DDX25: variants seen among roughly 807,000 people sequenced by gnomAD.
DDX25 encodes the protein ATP-dependent RNA helicase DDX25.
Under a neutral mutation model 64.6 loss-of-function variants are expected in DDX25, and 70 were observed. The observed-to-expected ratio is 1.08, with a 90% CI of 0.89 to 1.32. The LOEUF (loss-of-function observed/expected upper bound fraction) is 1.32. DDX25 is among the 40% of genes most tolerant of loss of function. DDX25 has a pLI of 0.00. For synonymous variants in DDX25, 211 were observed against 213.3 expected, an observed-to-expected ratio of 0.99 and a Z score of 0.09; for missense variants, 587 against 604.4, an observed-to-expected ratio of 0.97 and a Z score of 0.30.
intron 1 of DDX25, among the ~76,000 whole-genome samples, 182 bp from the exon 2 acceptor site, chr11:125,905,030 A>G (rs1198751825): frequency 2.6e-5 from 4 of 152,152 alleles, no homozygotes; most frequent in Non-Finnish European, 4.4e-5. Flanking sequence ...AAAATCTCCA[A>G]TTTTAGGGTA....
Position 125,917,099 on chromosome 11 carries a change from G to A in DDX25, c.886G>A (p.Asp296Asn). ...GCACTTTGCTGAGCGAATCATCCCT[G>A]ACCCTAATGTTATCAAGTTACGCAA... is the stretch of plus-strand genomic sequence containing the variant. Reference protein sequence around the residue: ...VWHFAERIIPDPNVIKLRKEE... With the variant: ...VWHFAERIIPNPNVIKLRKEE... Residue 296 changes from aspartate to asparagine, a missense_variant, in exon 9 of 12, where the codon GAC (aspartate) becomes AAC (asparagine). Coordinates refer to ENST00000263576, the MANE Select transcript of DDX25 (RefSeq NM_013264.5). 1 of 1,610,624 alleles carries A rather than the reference G, an allele frequency of 6.2e-7. No individual in the cohort carries two copies.
intron 2 of DDX25, 32 bp from the exon 3 acceptor site, chr11:125,905,521 T>C (rs768702319): frequency 1.9e-6 from 3 of 1,546,372 alleles, no homozygotes; most frequent in Non-Finnish European, 2.6e-6. Flanking sequence ...CATTTGTCTT[T>C]ACTTGTATTG....
chr11:125,909,877 C>T (rs1944943663), intron 6 of DDX25, among the ~76,000 whole-genome samples: 1 of 152,144 alleles, frequency 6.6e-6, no homozygotes, highest in African/African-American at 2.4e-5. Flanking sequence ...GCCTCAAACT[C>T]CTGACTTCAG....
At position 125,910,386 on chromosome 11, in the gene DDX25, A is replaced by G. The variant is rs766950394; in HGVS notation, c.530A>G (p.Tyr177Cys). 2.5e-6 allele frequency: 4 copies of G among 1,613,756 alleles called. No homozygotes were observed. The highest frequency in any genetic ancestry group is 3.4e-6 in the Non-Finnish European group (4 of 1,179,856). Residue 177 changes from tyrosine (Y) to cysteine (C), a missense_variant, in exon 7 of 12, where the codon TAT becomes TGT. By Grantham distance (194) the Tyr-to-Cys change is radical. Coordinates refer to ENST00000263576, the MANE Select transcript of DDX25 (RefSeq NM_013264.5). ...FPQCLCLAPT[Y>C]ELALQTGRVV... ...CAGTGCCTCTGCCTAGCTCCTACTT[A>G]TGAATTGGCTCTGCAAACTGGCCGT...
At position 125,923,449 on chromosome 11, in the gene DDX25, A is replaced by G. The variant is rs1295770548; in HGVS notation, c.*568A>G. The stretch of plus-strand genomic sequence containing the variant: ...TTTTACTTCTTTAATGTTTCAAGGG[A>G]CATACAGAATTTCAGAGTATTTTTC... On this transcript the variant is annotated 3_prime_UTR_variant, in exon 12 of 12. Transcript: ENST00000263576. The G allele has an allele frequency of 6.6e-6, 1 of 152,230 alleles. No individual in the cohort carries two copies. Among genetic ancestry groups the G allele is most frequent in the Non-Finnish European group, 1.5e-5 (1 of 68,052 alleles). The allele number at this position is 152,230 out of a possible 1,614,324, so 9.4% of individuals were successfully genotyped here.
chr11:125,910,162 C>T (rs992766426), intron 6 of DDX25, among the ~76,000 whole-genome samples: 19 of 152,108 alleles, frequency 1.2e-4, no homozygotes, highest in Non-Finnish European at 2.2e-4. Context: ...TTCTCCATTC[C>T]TTGGCCCCTT....
chr11:125,913,874 A>G (rs975341054), intron 8 of DDX25, among the ~76,000 whole-genome samples: 4 of 151,680 alleles, frequency 2.6e-5, no homozygotes, highest in African/African-American at 9.7e-5. Context: ...AAAAAAAATG[A>G]TATAAAATAG....
Position 125,918,742 on chromosome 11 carries a change from C to A in DDX25, c.1153C>A (p.Arg385=). Residue 385 remains arginine, a synonymous_variant, in exon 10 of 12, where the codon CGG becomes AGG. Transcript: ENST00000263576. ...GCGAGCTTCCATCATTCAGAGGTTT[C>A]GGGATGGGAAAGAGAAGGTTCTCAT... ...EQRASIIQRF[R]DGKEKVLITT... is the part of the protein sequence containing the mutation. 6 of 1,609,866 alleles carry A rather than the reference C, an allele frequency of 3.7e-6. No homozygotes were observed. The highest frequency in any genetic ancestry group is 5.1e-6 in the Non-Finnish European group (6 of 1,178,032).
chr11:125,905,920 C>T (rs1163898559), intron 3 of DDX25, 154 bp from the exon 4 acceptor site: 3 of 967,160 alleles, frequency 3.1e-6, no homozygotes, highest in Non-Finnish European at 4.4e-6. Flanking sequence ...AGAACGAATC[C>T]TCAGTGCTAT....
intron 4 of DDX25, 116 bp downstream of exon 4, chr11:125,906,325 T>TTG: frequency 6.0e-6 from 8 of 1,337,866 alleles, no homozygotes; most frequent in Non-Finnish European, 6.8e-6. Context: ...TTCAATATTT[T>TTG]TTTTTGTTAT....
intron 6 of DDX25, among the ~76,000 whole-genome samples, chr11:125,908,884 T>C (rs903903621): frequency 6.6e-6 from 1 of 152,220 alleles, no homozygotes; most frequent in Non-Finnish European, 1.5e-5. Flanking sequence ...AAACATTGAA[T>C]AAAGTCATCA....
In DDX25 at chr11:125,910,415, G is replaced by A; in HGVS notation, c.559G>A (p.Val187Ile). ...YELALQTGRV[V>I]EQMGKFCVDV... Reference sequence around the variant, plus strand: ...ATTGGCTCTGCAAACTGGCCGTGTGGTTGAGCAGATGGGAAAATTCTGTGT... The same window carrying A: ...ATTGGCTCTGCAAACTGGCCGTGTGATTGAGCAGATGGGAAAATTCTGTGT... The change falls in exon 7 of 12, where the codon GTT (valine) becomes ATT (isoleucine). Residue 187 changes from valine to isoleucine, a missense_variant. Physicochemically the swap from Val to Ile is conservative, Grantham distance 29. Coordinates refer to ENST00000263576, the MANE Select transcript of DDX25 (RefSeq NM_013264.5). 6.2e-7 allele frequency: 1 copy of A among 1,613,988 alleles called. No homozygotes were observed. The highest frequency in any genetic ancestry group is 1.3e-5 in the African/African-American group (1 of 75,036).
intron 4 of DDX25, 31 bp downstream of exon 4, chr11:125,906,240 A>G (rs560787613): frequency 2.0e-6 from 3 of 1,516,786 alleles, no homozygotes; most frequent in Non-Finnish European, 2.6e-6. Context: ...AATATGGGAA[A>G]AATGCTGAAA....
Position 125,918,792 on chromosome 11 carries a change from T to C in DDX25, c.1201+2T>C. 6 of 1,562,906 alleles carry C rather than the reference T, an allele frequency of 3.8e-6. No homozygotes were observed. The highest frequency in any genetic ancestry group is 5.2e-6 in the Non-Finnish European group (6 of 1,152,850). ...TAACAACTAATGTTTGTGCCCGAGG[T>C]GTGTGTTAAAAGTCAGGTCTTGAGT... On this transcript the variant is annotated splice_donor_variant, in intron 10 of 11. Transcript: ENST00000263576. LOFTEE classifies it high-confidence loss of function.
At chr11:125,904,660 G>A in intron 1 of DDX25, 80 bp downstream of exon 1, 3 of 1,403,696 alleles carry the variant, frequency 2.1e-6, no homozygotes, top group East Asian at 2.8e-5. Flanking sequence ...GGGAGGGGAG[G>A]GAGAGCCCGC....
chr11:125,917,983 A>T (rs1279119066), intron 9 of DDX25, among the ~76,000 whole-genome samples: 2 of 152,030 alleles, frequency 1.3e-5, no homozygotes, highest in African/African-American at 4.8e-5. Context: ...GGTTCAAGCA[A>T]TTCTCCTGCC....
rs1945178974 is a variant in DDX25, at chr11:125,927,572, G to C, written c.*4691G>C. On this transcript the variant is annotated 3_prime_UTR_variant, in exon 12 of 12. Coordinates refer to ENST00000263576, the MANE Select transcript of DDX25 (RefSeq NM_013264.5). Reference sequence around the variant, plus strand: ...GAATATAATTTTCATAAATGAGGATGGTCTCCTATTTTGAGCTTAACATTT... The same window carrying C: ...GAATATAATTTTCATAAATGAGGATCGTCTCCTATTTTGAGCTTAACATTT... The C allele has an allele frequency of 6.6e-6, 1 of 152,148 alleles. No individual in the cohort carries two copies. The highest frequency in any genetic ancestry group is 2.4e-5 in the African/African-American group (1 of 41,416). 9.4% of individuals were successfully genotyped at this position (152,148 alleles called of 1,614,324 possible). A position where few individuals can be genotyped will look rare whatever the true frequency, so the allele number is the denominator to read the frequency against.
chr11:125,914,909 A>C (rs1330835759), intron 8 of DDX25, among the ~76,000 whole-genome samples: 1 of 152,100 alleles, frequency 6.6e-6, no homozygotes, highest in Admixed American at 6.6e-5. Flanking sequence ...CACCCAGCTA[A>C]TTTTTGTACT....
chr11:125,908,048 A>G, intron 4 of DDX25, 148 bp from the exon 5 acceptor site: 1 of 643,606 alleles, frequency 1.6e-6, no homozygotes, highest in Non-Finnish European at 2.7e-6. Flanking sequence ...TATGTTTGGA[A>G]GTTGAGGTAT....
Sources: gnomAD v4.1 joint callset for allele counts (sites outside exome capture counted in the v4.1 genomes callset) on GRCh38, gnomAD v4.1.1 for gene constraint, MANE v1.5 for transcripts, NCBI Gene and HGNC (gene_info 2026-07-23, HGNC 2026-07-21) for gene names.